Variants in L3MBTL4 observed in about 807,000 individuals in gnomAD.
L3MBTL4 encodes the protein L3MBTL histone methyl-lysine binding protein 4, also known as lethal(3)malignant brain tumor-like protein 4.
L3MBTL4 carries 70 observed loss-of-function variants against 84.5 expected under a neutral mutation model. The observed-to-expected ratio is 0.83, with a 90% CI of 0.68 to 1.01. The LOEUF is 1.01. Among genes scored for constraint, L3MBTL4 ranks in the 50% least tolerant of loss-of-function variants. The pLI, the probability that L3MBTL4 is intolerant of heterozygous loss-of-function variation, is 0.00. For synonymous variants in L3MBTL4, 274 were observed against 259.8 expected, an observed-to-expected ratio of 1.05 and a Z score of -0.52; for missense variants, 715 against 754.8, an observed-to-expected ratio of 0.95 and a Z score of 0.62.
intron 16 of L3MBTL4, among the ~76,000 whole-genome samples, chr18:6,066,629 T>A (rs1304214931): frequency 1.3e-5 from 2 of 152,162 alleles, no homozygotes. Context: ...TGTCTTTTTT[T>A]AACTGTTGTT....
chr18:6,191,416 G>A (rs2045079538), intron 12 of L3MBTL4, among the ~76,000 whole-genome samples: 1 of 152,156 alleles, frequency 6.6e-6, no homozygotes, highest in Non-Finnish European at 1.5e-5. Context: ...TTTTTGACTT[G>A]AGCGATGGGA....
intron 14 of L3MBTL4, among the ~76,000 whole-genome samples, chr18:6,100,212 T>C (rs1258618684): frequency 1.3e-5 from 2 of 152,208 alleles, no homozygotes; most frequent in Non-Finnish European, 2.9e-5. Flanking sequence ...AGATAATCCA[T>C]GCAAGGCCTC....
At chr18:5,978,186 T>A (rs961291651) in intron 16 of L3MBTL4, among the ~76,000 whole-genome samples, 1 of 152,216 alleles carries the variant, frequency 6.6e-6, no homozygotes, top group African/African-American at 2.4e-5. Flanking sequence ...TTGTCAAATA[T>A]ACTCATTGCT....
intron 16 of L3MBTL4, chr18:6,032,416 A>ACACACACAT: frequency 1.6e-6 from 1 of 632,678 alleles, no homozygotes; most frequent in Non-Finnish European, 2.0e-6. Context: ...ACACACACAC[A>ACACACACAT]ATCTGCATCA....
At chr18:6,306,526 C>T (rs2050594028) in intron 3 of L3MBTL4, among the ~76,000 whole-genome samples, 1 of 152,090 alleles carries the variant, frequency 6.6e-6, no homozygotes, top group East Asian at 1.9e-4. Context: ...AAAATAGAAA[C>T]CAAAATAAAC....
intron 12 of L3MBTL4, among the ~76,000 whole-genome samples, chr18:6,195,007 C>T (rs1241820719): frequency 2.6e-5 from 4 of 152,192 alleles, no homozygotes; most frequent in African/African-American, 9.6e-5. Context: ...GCTGATCTTC[C>T]TTTTTCCTCA....
intron 1 of L3MBTL4, among the ~76,000 whole-genome samples, chr18:6,366,501 T>C (rs889535724): frequency 6.6e-6 from 1 of 152,334 alleles, no homozygotes; most frequent in Non-Finnish European, 1.5e-5. Flanking sequence ...ATAATGATAT[T>C]ATCTAGGAGT....
At chr18:6,178,087 A>T (rs2044304774) in intron 12 of L3MBTL4, among the ~76,000 whole-genome samples, 1 of 152,240 alleles carries the variant, frequency 6.6e-6, no homozygotes, top group South Asian at 2.1e-4. Flanking sequence ...TTAGGTCTCA[A>T]CTGAAGAAGT....
intron 1 of L3MBTL4, among the ~76,000 whole-genome samples, chr18:6,321,623 C>T (rs1401023389): frequency 6.6e-6 from 1 of 152,102 alleles, no homozygotes; most frequent in Admixed American, 6.6e-5. Flanking sequence ...GCACAATTCA[C>T]AATTGCAAAG....
chr18:6,105,040 G>A (rs1033559660), intron 14 of L3MBTL4, among the ~76,000 whole-genome samples: 1 of 151,812 alleles, frequency 6.6e-6, no homozygotes, highest in African/African-American at 2.4e-5. Context: ...AAAGATTGGG[G>A]GCATTAATAT....
At chr18:6,185,994 A>AGT (rs2044733909) in intron 12 of L3MBTL4, among the ~76,000 whole-genome samples, 2 of 145,994 alleles carry the variant, frequency 1.4e-5, no homozygotes, top group African/African-American at 5.3e-5. Context: ...ATTTTATTTT[A>AGT]TTATTTTATA....
intron 10 of L3MBTL4, among the ~76,000 whole-genome samples, chr18:6,223,875 C>A (rs1376804603): frequency 4.6e-5 from 7 of 152,158 alleles, no homozygotes; most frequent in Non-Finnish European, 8.8e-5. Flanking sequence ...CCCTATCAGC[C>A]ATGATTATAC....
chr18:6,246,076 T>C (rs1202698524), intron 5 of L3MBTL4, among the ~76,000 whole-genome samples: 2 of 152,224 alleles, frequency 1.3e-5, no homozygotes, highest in Non-Finnish European at 2.9e-5. Flanking sequence ...CTGTCATATA[T>C]GGTTTCTACA....
At chr18:6,030,188 A>G in intron 16 of L3MBTL4, 1 of 831,200 alleles carries the variant, frequency 1.2e-6, no homozygotes, top group Non-Finnish European at 1.5e-6. Context: ...AAAGACACAC[A>G]AGAGAAGTAT....
chr18:6,295,892 C>T (rs1034007253), intron 4 of L3MBTL4, among the ~76,000 whole-genome samples: 2 of 152,254 alleles, frequency 1.3e-5, no homozygotes, highest in East Asian at 1.9e-4. Context: ...GCAGAGTTCT[C>T]ATGAACGGTT....
intron 14 of L3MBTL4, among the ~76,000 whole-genome samples, chr18:6,132,864 C>T (rs1018901071): frequency 3.3e-5 from 5 of 152,094 alleles, no homozygotes; most frequent in African/African-American, 9.7e-5. Flanking sequence ...GAAACACACA[C>T]GCCCAGCGCA....
chr18:6,125,194 G>A (rs1462061021), intron 14 of L3MBTL4, among the ~76,000 whole-genome samples: 1 of 151,950 alleles, frequency 6.6e-6, no homozygotes, highest in Non-Finnish European at 1.5e-5. Context: ...AAGGAAGGAA[G>A]GGAGGGGAGG....
chr18:6,126,817 T>C (rs1168382540), intron 14 of L3MBTL4, among the ~76,000 whole-genome samples: 2 of 152,238 alleles, frequency 1.3e-5, no homozygotes, highest in East Asian at 1.9e-4. Context: ...ACTTTGAGAA[T>C]TAAAAGGTTC....
intron 15 of L3MBTL4, among the ~76,000 whole-genome samples, chr18:6,088,839 A>G (rs1047794780): frequency 1.3e-5 from 2 of 152,184 alleles, no homozygotes; most frequent in Admixed American, 1.3e-4. Context: ...CTATTCCACT[A>G]CATGCCATCC....
Sources: allele counts gnomAD v4.1 joint callset (sites outside exome capture counted in the v4.1 genomes callset), GRCh38; gene constraint gnomAD v4.1.1; transcripts MANE v1.5; gene names NCBI Gene and HGNC (gene_info 2026-07-23, HGNC 2026-07-21).